The following ARHGAP24 variants were observed in gnomAD, a reference collection of about 807,000 sequenced individuals.
ARHGAP24 encodes the protein rho GTPase-activating protein 24.
ARHGAP24 carries 50 observed loss-of-function variants against 76.4 expected under a neutral mutation model. The ratio of observed to expected loss-of-function variants is 0.65; its 90% CI spans 0.52 to 0.83. The LOEUF (loss-of-function observed/expected upper bound fraction) is 0.83. Among genes scored for constraint, ARHGAP24 ranks in the 40% least tolerant of loss-of-function variants. The probability of loss-of-function intolerance (pLI) is 0.00; values close to 1 mark genes in which losing one functional copy is unlikely to be tolerated. For synonymous variants in ARHGAP24, 345 were observed against 323.3 expected (o/e 1.07, Z -0.72); for missense variants, 930 against 914.2 (o/e 1.02, Z -0.22).
At chr4:85,917,826 G>C (rs1254913398) in intron 3 of ARHGAP24, among the ~76,000 whole-genome samples, 1 of 152,040 alleles carries the variant, frequency 6.6e-6, no homozygotes, top group South Asian at 2.1e-4. Flanking sequence ...AGCCTACTTT[G>C]GTGGCTATTT....
intron 3 of ARHGAP24, among the ~76,000 whole-genome samples, chr4:85,846,368 G>A (rs1322876180): frequency 6.6e-6 from 1 of 151,992 alleles, no homozygotes; most frequent in Non-Finnish European, 1.5e-5. Context: ...GGAAACAGTG[G>A]TCTACTTTCA....
At chr4:85,665,875 C>G (rs1319486566) in intron 2 of ARHGAP24, among the ~76,000 whole-genome samples, 1 of 152,148 alleles carries the variant, frequency 6.6e-6, no homozygotes, top group Non-Finnish European at 1.5e-5. Context: ...GGGTTTCTGC[C>G]AAGAGATCTG....
intron 5 of ARHGAP24, among the ~76,000 whole-genome samples, chr4:85,961,162 C>T (rs1317659164): frequency 6.6e-6 from 1 of 152,090 alleles, no homozygotes; most frequent in Admixed American, 6.6e-5. Context: ...ATGTGAGAGC[C>T]ATAGGAAAGA....
At chr4:85,874,554 C>T (rs902809710) in intron 3 of ARHGAP24, among the ~76,000 whole-genome samples, 8 of 151,780 alleles carry the variant, frequency 5.3e-5, no homozygotes, top group African/African-American at 1.9e-4. Flanking sequence ...AAAGCTCATC[C>T]CTGACTGCTT....
chr4:85,651,115 C>T (rs1343388582), intron 2 of ARHGAP24, among the ~76,000 whole-genome samples: 6 of 148,932 alleles, frequency 4.0e-5, no homozygotes, highest in Non-Finnish European at 8.8e-5. Flanking sequence ...AAAACAAGTT[C>T]GGTGAAGTTG....
chr4:85,712,561 G>C (rs1724567632), intron 2 of ARHGAP24, among the ~76,000 whole-genome samples: 1 of 152,150 alleles, frequency 6.6e-6, no homozygotes, highest in African/African-American at 2.4e-5. Context: ...ACTGTCTTCT[G>C]AGGGTTTGGG....
intron 9 of ARHGAP24, among the ~76,000 whole-genome samples, chr4:85,998,510 C>A (rs1046259940): frequency 6.6e-6 from 1 of 151,912 alleles, no homozygotes. Context: ...ATATTTTTTT[C>A]ATCATCTTTT....
intron 1 of ARHGAP24, among the ~76,000 whole-genome samples, chr4:85,495,137 C>T (rs1216958190): frequency 6.6e-6 from 1 of 150,750 alleles, no homozygotes; most frequent in Non-Finnish European, 1.5e-5. Flanking sequence ...CCAAAAATGA[C>T]CCTCCACTTT....
chr4:85,641,301 A>G (rs1721512913), intron 2 of ARHGAP24, among the ~76,000 whole-genome samples: 1 of 152,176 alleles, frequency 6.6e-6, no homozygotes, highest in South Asian at 2.1e-4. Flanking sequence ...TTGCATATGA[A>G]TGCAAAAGAT....
chr4:85,804,529 T>A (rs775585171), intron 3 of ARHGAP24, among the ~76,000 whole-genome samples: 1 of 152,176 alleles, frequency 6.6e-6, no homozygotes, highest in Non-Finnish European at 1.5e-5. Context: ...CCAAACAGTA[T>A]ATAAATGAGC....
intron 8 of ARHGAP24, among the ~76,000 whole-genome samples, chr4:85,983,802 T>C (rs922286702): frequency 4.6e-5 from 7 of 152,206 alleles, no homozygotes; most frequent in African/African-American, 1.7e-4. Flanking sequence ...TTCCTCATTC[T>C]CTGAATCTAC....
intron 3 of ARHGAP24, among the ~76,000 whole-genome samples, chr4:85,789,218 A>AT (rs1207972720): frequency 2.6e-5 from 3 of 113,340 alleles, no homozygotes; most frequent in African/African-American, 9.0e-5. Context: ...TGGAACCTCC[A>AT]TTAAAAAAAA....
chr4:85,580,871 T>C (rs1578052720), intron 2 of ARHGAP24, among the ~76,000 whole-genome samples: 1 of 152,340 alleles, frequency 6.6e-6, no homozygotes, highest in South Asian at 2.1e-4. Flanking sequence ...AGTAAGGCAC[T>C]TAGTACCTCT....
chr4:85,797,357 TAG>T (rs1379508843), intron 3 of ARHGAP24, among the ~76,000 whole-genome samples: 1 of 152,014 alleles, frequency 6.6e-6, no homozygotes, highest in African/African-American at 2.4e-5. Flanking sequence ...GTATTTTTAG[TAG>T]AGACAGGATT....
At chr4:85,563,574 C>T (rs1429831259) in intron 1 of ARHGAP24, among the ~76,000 whole-genome samples, 1 of 152,154 alleles carries the variant, frequency 6.6e-6, no homozygotes, top group Non-Finnish European at 1.5e-5. Context: ...GCCCTATATC[C>T]AAATACCATC....
intron 2 of ARHGAP24, among the ~76,000 whole-genome samples, chr4:85,637,684 T>G (rs1299107371): frequency 6.6e-6 from 1 of 152,110 alleles, no homozygotes; most frequent in Non-Finnish European, 1.5e-5. Flanking sequence ...ATAATGATGT[T>G]GAAATAAAAA....
intron 2 of ARHGAP24, among the ~76,000 whole-genome samples, chr4:85,684,099 A>G (rs1723334047): frequency 6.6e-6 from 1 of 152,174 alleles, no homozygotes; most frequent in Non-Finnish European, 1.5e-5. Context: ...ACTTTCAATT[A>G]TTTGAGATAA....
chr4:85,627,234 C>T (rs764992268), intron 2 of ARHGAP24, among the ~76,000 whole-genome samples: 15 of 152,086 alleles, frequency 9.9e-5, no homozygotes, highest in Middle Eastern at 6.8e-3. Flanking sequence ...ATGATGGTGA[C>T]GTACAGATGG....
chr4:85,660,049 C>T (rs543728587), intron 2 of ARHGAP24, among the ~76,000 whole-genome samples: 55 of 152,244 alleles, frequency 3.6e-4, no homozygotes, highest in Middle Eastern at 3.4e-3. Flanking sequence ...CATCTAAACT[C>T]GGTGGGTTAT....
Sources: allele counts gnomAD v4.1 joint callset (sites outside exome capture counted in the v4.1 genomes callset), GRCh38; gene constraint gnomAD v4.1.1; transcripts MANE v1.5; gene names NCBI Gene and HGNC (gene_info 2026-07-23, HGNC 2026-07-21).